AKAP6: variants seen among roughly 807,000 people sequenced by gnomAD.
AKAP6 encodes the protein A-kinase anchoring protein 6.
Under a neutral mutation model 188.5 loss-of-function variants are expected in AKAP6, and 58 were observed. That is an observed-to-expected ratio of 0.31 (90% CI 0.25 to 0.38). The LOEUF (loss-of-function observed/expected upper bound fraction) is 0.38. AKAP6 is among the 10% of genes least tolerant of loss of function. The pLI is 1.00. For synonymous variants in AKAP6, 989 were observed against 998.6 expected (o/e 0.99, Z 0.18); for missense variants, 2,710 against 2,740.0 (o/e 0.99, Z 0.24).
chr14:32,548,581 GAT>G (rs1883311027), intron 4 of AKAP6, among the ~76,000 whole-genome samples: 3 of 142,208 alleles, frequency 2.1e-5, no homozygotes, highest in African/African-American at 7.8e-5. Flanking sequence ...TAGATAGATA[GAT>G]AGATATAAAG....
chr14:32,466,071 A>G (rs1878405745), intron 2 of AKAP6, among the ~76,000 whole-genome samples: 1 of 152,204 alleles, frequency 6.6e-6, no homozygotes, highest in African/African-American at 2.4e-5. Flanking sequence ...AAAAGTCAGG[A>G]AACAACAGAT....
chr14:32,590,505 C>CATTTA (rs1288329814), intron 5 of AKAP6, among the ~76,000 whole-genome samples: 2 of 152,140 alleles, frequency 1.3e-5, no homozygotes, highest in East Asian at 3.9e-4. Flanking sequence ...AATGAATGAA[C>CATTTA]ATTTATAAAA....
chr14:32,357,842 G>T (rs931934320), intron 1 of AKAP6, among the ~76,000 whole-genome samples: 1 of 152,218 alleles, frequency 6.6e-6, no homozygotes, highest in Admixed American at 6.5e-5. Context: ...AGTGGCGCCC[G>T]TGTGTAATGC....
intron 3 of AKAP6, among the ~76,000 whole-genome samples, chr14:32,542,710 A>T (rs897433261): frequency 6.6e-6 from 1 of 152,224 alleles, no homozygotes; most frequent in Non-Finnish European, 1.5e-5. Context: ...TGAAAGCAGG[A>T]TACTGTGGCC....
intron 11 of AKAP6, among the ~76,000 whole-genome samples, chr14:32,736,186 G>A (rs2031412902): frequency 6.6e-6 from 1 of 152,050 alleles, no homozygotes; most frequent in South Asian, 2.1e-4. Context: ...AGATTACTAA[G>A]GCCTTTGAAG....
rs534734128 is a variant in AKAP6, at chr14:32,673,041, A to G, written c.2731-5270A>G. 4.6e-5 allele frequency among the ~76,000 whole-genome samples: 7 copies of G among 152,240 alleles called. No homozygotes were observed. In the East Asian group the frequency reaches 1.4e-3, roughly 29 times the overall value. ...TATCCACTTTAGCCTCTATATCCAA[A>G]TGCCCCAAAGCTCCAGCCACCATTC... On this transcript the variant is annotated intron_variant, in intron 7 of 13. Coordinates refer to ENST00000280979, the MANE Select transcript of AKAP6 (RefSeq NM_004274.5).
chr14:32,752,448 T>G (rs2032173993), intron 11 of AKAP6, among the ~76,000 whole-genome samples: 1 of 152,144 alleles, frequency 6.6e-6, no homozygotes, highest in African/African-American at 2.4e-5. Flanking sequence ...ACAATTACAG[T>G]GAGAGGGAAG....
At chr14:32,758,810 A>T (rs559235485) in intron 11 of AKAP6, among the ~76,000 whole-genome samples, 1 of 152,202 alleles carries the variant, frequency 6.6e-6, no homozygotes, top group South Asian at 2.1e-4. Flanking sequence ...GCTTATTAAT[A>T]CTACTAAGTA....
intron 3 of AKAP6, among the ~76,000 whole-genome samples, chr14:32,541,966 A>G (rs1048251843): frequency 1.3e-5 from 2 of 152,202 alleles, no homozygotes; most frequent in Non-Finnish European, 2.9e-5. Flanking sequence ...TCTCATCTTG[A>G]AACTTTCCTC....
intron 4 of AKAP6, among the ~76,000 whole-genome samples, chr14:32,561,813 A>G (rs1171062476): frequency 2.6e-5 from 4 of 152,252 alleles, no homozygotes; most frequent in East Asian, 1.9e-4. Flanking sequence ...TTTATGGCAA[A>G]TAAGGTCAGC....
Position 32,824,336 on chromosome 14 carries a change from C to T in AKAP6, c.6523C>T (p.Pro2175Ser). Residue 2175 changes from proline (P) to serine (S), a missense_variant, in exon 13 of 14, where the codon CCT becomes TCT. Physicochemically the swap from Pro to Ser is moderately conservative, Grantham distance 74. Transcript: ENST00000280979. ...DGEEPCFSSA[P>S]PNESAVPSEA... Reference sequence around the variant, plus strand: ...AGAGGAGCCTTGTTTCTCTAGTGCTCCTCCAAATGAATCTGCAGTTCCCAG... The same window carrying T: ...AGAGGAGCCTTGTTTCTCTAGTGCTTCTCCAAATGAATCTGCAGTTCCCAG... The T allele has an allele frequency of 6.2e-7, 1 of 1,613,850 alleles. No homozygotes were observed. Among genetic ancestry groups the T allele is most frequent in the Non-Finnish European group, 8.5e-7 (1 of 1,179,916 alleles).
intron 7 of AKAP6, chr14:32,628,045 G>A (rs1359028828): frequency 6.6e-6 from 1 of 152,038 alleles, no homozygotes; most frequent in Non-Finnish European, 1.5e-5. Context: ...AGAAACAGAA[G>A]AACCTGTAAT....
At chr14:32,687,065 A>C (rs1158065273) in intron 8 of AKAP6, among the ~76,000 whole-genome samples, 1 of 152,202 alleles carries the variant, frequency 6.6e-6, no homozygotes, top group Non-Finnish European at 1.5e-5. Flanking sequence ...ACTTTAAATT[A>C]AAATAGGATT....
chr14:32,733,796 T>C (rs2031294200), intron 10 of AKAP6: 1 of 152,154 alleles, frequency 6.6e-6, no homozygotes, highest in African/African-American at 2.4e-5. Context: ...CAGCATTCAT[T>C]GATCTCAAAC....
chr14:32,549,706 C>T lies in AKAP6; in HGVS notation c.2346+2707C>T, dbSNP rs138492173. 1.6e-3 allele frequency among the ~76,000 whole-genome samples: 249 copies of T among 152,264 alleles called. 2 individuals carry two copies. Among genetic ancestry groups the T allele is most frequent in the African/African-American group, 5.4e-3 (224 of 41,558 alleles). ...TACGTGGCTTACCCTACTTAAGTCC[C>T]GGAAGGGAGGATTTTTTCAGATGAA... On this transcript the variant is annotated intron_variant, in intron 4 of 13. Coordinates refer to ENST00000280979, the MANE Select transcript of AKAP6 (RefSeq NM_004274.5).
chr14:32,499,470 C>T (rs938624930), intron 2 of AKAP6, among the ~76,000 whole-genome samples: 3 of 151,830 alleles, frequency 2.0e-5, no homozygotes, highest in African/African-American at 7.3e-5. Context: ...AGTTGTTCTG[C>T]TCCCTCCTTC....
In AKAP6 at chr14:32,433,869, G is replaced by T. The variant is rs550460675; in HGVS notation, c.324+52G>T. 5 of 1,527,506 alleles carry T rather than the reference G, an allele frequency of 3.3e-6. No individual in the cohort carries two copies. In the African/African-American group the frequency reaches 4.1e-5, roughly 12 times the overall value. The allele number at this position is 1,527,506 out of a possible 1,614,324, so 94.6% of individuals were successfully genotyped here. A position where few individuals can be genotyped will look rare whatever the true frequency, so the allele number is the denominator to read the frequency against. On this transcript the variant is annotated intron_variant, in intron 2 of 13. Coordinates refer to ENST00000280979, the MANE Select transcript of AKAP6 (RefSeq NM_004274.5). ...GGATAGAAGTTTTCAAAAGGCTGTGGCACCTAGAGACTGTGTTCTGTAATT... is the reference window on the plus strand; with the variant it reads ...GGATAGAAGTTTTCAAAAGGCTGTGTCACCTAGAGACTGTGTTCTGTAATT...
intron 8 of AKAP6, chr14:32,693,705 G>C (rs1890274940): frequency 6.6e-6 from 1 of 152,130 alleles, no homozygotes; most frequent in African/African-American, 2.4e-5. Context: ...CAAATCCTCT[G>C]ACGTGGAAAG....
chr14:32,388,421 T>C (rs1225520242), intron 1 of AKAP6, among the ~76,000 whole-genome samples: 2 of 152,078 alleles, frequency 1.3e-5, no homozygotes, highest in Non-Finnish European at 2.9e-5. Context: ...TAGTTTGTTC[T>C]TGTTTCTCTA....
Sources: allele counts gnomAD v4.1 joint callset (sites outside exome capture counted in the v4.1 genomes callset), GRCh38; gene constraint gnomAD v4.1.1; transcripts MANE v1.5; gene names NCBI Gene and HGNC (gene_info 2026-07-23, HGNC 2026-07-21).